NEURL1: variants seen among roughly 807,000 people sequenced by gnomAD.
The protein encoded by NEURL1 is neuralized E3 ubiquitin protein ligase 1, also known as E3 ubiquitin-protein ligase NEURL1.
A neutral mutation model predicts 41.2 loss-of-function variants in NEURL1; 26 were observed. The ratio of observed to expected loss-of-function variants is 0.63; its 90% CI spans 0.46 to 0.87. The LOEUF (loss-of-function observed/expected upper bound fraction) is 0.87, where lower values mean the gene tolerates loss of function less well. Among genes scored for constraint, NEURL1 ranks in the 40% least tolerant of loss-of-function variants. The probability of loss-of-function intolerance (pLI) is 0.00; values close to 1 mark genes in which losing one functional copy is unlikely to be tolerated. For missense variants in NEURL1, 761 were observed against 871.1 expected (o/e 0.87, Z 1.59); for synonymous variants, 400 against 402.3 (o/e 0.99, Z 0.07).
Position 103,566,791 on chromosome 10 carries a change from C to T in NEURL1, c.86-4081C>T, listed in dbSNP as rs759930382. On this transcript the variant is annotated intron_variant, in intron 1 of 5. Transcript: ENST00000369780. This position sits in a 1 kb window ranked among gnomAD's most constrained non-coding sequence, Gnocchi z 4.2. ...CAAACCATTCTCAACACTGGCTTTC[C>T]AGGTTGTGTCGTGTCCCAACAGGAA... 2.0e-5 allele frequency among the ~76,000 whole-genome samples: 3 copies of T among 152,088 alleles called. No individual in the cohort carries two copies. Among genetic ancestry groups the T allele is most frequent in the Non-Finnish European group, 2.9e-5 (2 of 68,020 alleles).
At chr10:103,569,169 A>G (rs2035486503) in intron 1 of NEURL1, among the ~76,000 whole-genome samples, 1 of 152,194 alleles carries the variant, frequency 6.6e-6, no homozygotes, top group Non-Finnish European at 1.5e-5. Context: ...GAATTTGATA[A>G]AAAATGGAAG....
At chr10:103,531,686 T>TC (rs1352145790) in intron 1 of NEURL1, among the ~76,000 whole-genome samples, 1 of 150,912 alleles carries the variant, frequency 6.6e-6, no homozygotes, top group Non-Finnish European at 1.5e-5. Context: ...CCTGGCTTTT[T>TC]CTTTTTTTTT....
chr10:103,494,549 G>A, intron 1 of NEURL1, 77 bp downstream of exon 1: 1 of 1,275,398 alleles, frequency 7.8e-7, no homozygotes, highest in South Asian at 1.5e-5. Flanking sequence ...GGGGAGGGCG[G>A]GCAGACGCCA....
At chr10:103,530,454 T>C (rs536101153) in intron 1 of NEURL1, among the ~76,000 whole-genome samples, 243 of 152,366 alleles carry the variant, frequency 1.6e-3, no homozygotes, top group African/African-American at 4.9e-3. Context: ...TTCAGGATCA[T>C]GTTATTTAAT....
intron 1 of NEURL1, among the ~76,000 whole-genome samples, chr10:103,530,706 A>G (rs1214563704): frequency 1.3e-5 from 2 of 151,988 alleles, no homozygotes; most frequent in Non-Finnish European, 2.9e-5. Context: ...ACAGCCAGCT[A>G]ATTTTTGTGT....
chr10:103,494,775 G>A (rs1277060632), intron 1 of NEURL1: 4 of 358,960 alleles, frequency 1.1e-5, no homozygotes, highest in African/African-American at 9.3e-5. Flanking sequence ...GTCGATAGGG[G>A]AGTGGGGAGT....
intron 1 of NEURL1, among the ~76,000 whole-genome samples, chr10:103,495,186 A>G (rs1408256037): frequency 6.6e-6 from 1 of 152,084 alleles, no homozygotes; most frequent in Non-Finnish European, 1.5e-5. Flanking sequence ...GGAGCCTGCC[A>G]TTCCTGTCTT....
intron 1 of NEURL1, among the ~76,000 whole-genome samples, chr10:103,496,336 T>C (rs2133841211): frequency 6.6e-6 from 1 of 152,334 alleles, no homozygotes; most frequent in Admixed American, 6.5e-5. Flanking sequence ...GAATAGTTGA[T>C]GACTGTGGAA....
At chr10:103,523,982 G>A (rs57034591) in intron 1 of NEURL1, among the ~76,000 whole-genome samples, 4,168 of 152,192 alleles carry the variant, frequency 0.027, 191 homozygotes, top group African/African-American at 0.094. Context: ...GGGTCATATG[G>A]CAGTTCTGTT....
rs1231410469 is a variant in NEURL1, at chr10:103,591,730, C to G, written c.*1358C>G. On this transcript the variant is annotated 3_prime_UTR_variant, in exon 6 of 6. Transcript: ENST00000369780. ...CCATAGAGCACCCTTCCTCCTGGGCCAGAGCTGGGTTATCATGGTTGGCTT... is the reference window on the plus strand; with the variant it reads ...CCATAGAGCACCCTTCCTCCTGGGCGAGAGCTGGGTTATCATGGTTGGCTT... 1 of 152,226 alleles carries G rather than the reference C, an allele frequency of 6.6e-6. No homozygotes were observed. The highest frequency in any genetic ancestry group is 1.5e-5 in the Non-Finnish European group (1 of 68,046). The allele number at this position is 152,226 out of a possible 1,614,324, so 9.4% of individuals were successfully genotyped here. A position where few individuals can be genotyped will look rare whatever the true frequency, so the allele number is the denominator to read the frequency against.
chr10:103,569,887 G>A (rs546979885), intron 1 of NEURL1, among the ~76,000 whole-genome samples: 1 of 152,298 alleles, frequency 6.6e-6, no homozygotes, highest in African/African-American at 2.4e-5. Context: ...GGGGCCTCTG[G>A]AGAAGCGGGG....
chr10:103,581,329 C>A (rs1488483880), intron 3 of NEURL1, among the ~76,000 whole-genome samples: 10 of 152,196 alleles, frequency 6.6e-5, no homozygotes, highest in Admixed American at 1.3e-4. Flanking sequence ...ATTTCACATG[C>A]CAATAACAAC....
At chr10:103,568,242 C>A (rs941906931) in intron 1 of NEURL1, among the ~76,000 whole-genome samples, 2 of 152,178 alleles carry the variant, frequency 1.3e-5, no homozygotes, top group African/African-American at 2.4e-5. Context: ...CACCCTCAAC[C>A]CCCTACCCAA....
chr10:103,553,057 G>A (rs2035067719), intron 1 of NEURL1, among the ~76,000 whole-genome samples: 1 of 152,212 alleles, frequency 6.6e-6, no homozygotes, highest in African/African-American at 2.4e-5. Flanking sequence ...GCTGGCATGT[G>A]CGAGGGATTG....
In NEURL1 at chr10:103,584,576, CT is replaced by C. The variant is rs1364970275; in HGVS notation, c.692del (p.Phe231SerfsTer20). 7.1e-7 allele frequency: 1 copy of C among 1,417,924 alleles called. No individual in the cohort carries two copies. The highest frequency in any genetic ancestry group is 3.0e-5 in the Admixed American group (1 of 33,344). 87.8% of individuals were successfully genotyped at this position (1,417,924 alleles called of 1,614,324 possible). A position where few individuals can be genotyped will look rare whatever the true frequency, so the allele number is the denominator to read the frequency against. ...TCCCGGACTGTCTGCGGCCGCGCTC[CT>C]TCACCGCCCTGCGGCGGCCGTCGCT... ...VLPDCLRPRS[F>X]TALRRPSLRR... On this transcript the variant is annotated frameshift_variant, in exon 4 of 6. Transcript: ENST00000369780. LOFTEE classifies it high-confidence loss of function.
chr10:103,500,305 C>G (rs1218538423), intron 1 of NEURL1, among the ~76,000 whole-genome samples: 1 of 152,232 alleles, frequency 6.6e-6, no homozygotes, highest in East Asian at 1.9e-4. Context: ...ACCCTCCCAA[C>G]AACCTACAGA....
At chr10:103,523,908 G>A (rs901752773) in intron 1 of NEURL1, among the ~76,000 whole-genome samples, 1 of 152,088 alleles carries the variant, frequency 6.6e-6, no homozygotes, top group Non-Finnish European at 1.5e-5. Context: ...ATAAACATGG[G>A]CGTGCAGCTC....
At chr10:103,529,643 T>A (rs1191925483) in intron 1 of NEURL1, among the ~76,000 whole-genome samples, 1 of 152,224 alleles carries the variant, frequency 6.6e-6, no homozygotes, top group Non-Finnish European at 1.5e-5. Context: ...TGCCATAAGT[T>A]AAGAATACTC....
intron 1 of NEURL1, among the ~76,000 whole-genome samples, chr10:103,542,693 G>A (rs2034845154): frequency 6.6e-6 from 1 of 152,174 alleles, no homozygotes. Flanking sequence ...CTAGTTTTTT[G>A]TGGCTTAGAC....
Sources: gnomAD v4.1 joint callset for allele counts (sites outside exome capture counted in the v4.1 genomes callset) on GRCh38, gnomAD v4.1.1 for gene constraint, Gnocchi (gnomAD v3.1) non-coding constraint, MANE v1.5 for transcripts, NCBI Gene and HGNC (gene_info 2026-07-23, HGNC 2026-07-21) for gene names.